Variants in OR51G2 observed in about 807,000 individuals in gnomAD.
OR51G2 encodes the protein olfactory receptor family 51 subfamily G member 2.
A neutral mutation model predicts 11.8 loss-of-function variants in OR51G2; 13 were observed. The observed-to-expected ratio is 1.10, with a 90% CI of 0.72 to 1.76. The LOEUF (loss-of-function observed/expected upper bound fraction) is 1.76. OR51G2 is among the 40% of genes most tolerant of loss of function. The pLI, the probability that OR51G2 is intolerant of heterozygous loss-of-function variation, is 0.00. For missense variants in OR51G2, 474 were observed against 394.4 expected, an observed-to-expected ratio of 1.20 and a Z score of -1.71; for synonymous variants, 178 against 151.9, an observed-to-expected ratio of 1.17 and a Z score of -1.26.
chr11:4,915,686 G>T lies in OR51G2; in HGVS notation c.-23C>A. 1.3e-6 allele frequency: 2 copies of T among 1,567,212 alleles called. No individual in the cohort carries two copies. The highest frequency in any genetic ancestry group is 3.5e-5 in the Admixed American group (2 of 56,508). On this transcript the variant is annotated 5_prime_UTR_variant, in exon 2 of 2. Coordinates refer to ENST00000641926, the MANE Select transcript of OR51G2 (RefSeq NM_001005238.2). Reference sequence around the variant, plus strand: ...CATTGTGTGAGGAGACAAGGGGGAAGGTGGGTGCCCTCCAAAATCCTGAAG... The same window carrying T: ...CATTGTGTGAGGAGACAAGGGGGAATGTGGGTGCCCTCCAAAATCCTGAAG...
intron 1 of OR51G2, among the ~76,000 whole-genome samples, chr11:4,916,798 A>T (rs1458932689): frequency 6.6e-6 from 1 of 152,230 alleles, no homozygotes; most frequent in African/African-American, 2.4e-5. Flanking sequence ...AATTCCCCAG[A>T]AGTCCAGGAA....
intron 1 of OR51G2, among the ~76,000 whole-genome samples, chr11:4,917,435 A>G (rs1851114240): frequency 6.6e-6 from 1 of 152,244 alleles, no homozygotes; most frequent in African/African-American, 2.4e-5. Flanking sequence ...TGGCAGAGCT[A>G]GCTCAACAGG....
In OR51G2 at chr11:4,915,667, G is replaced by T; in HGVS notation, c.-4C>A. 2 of 1,605,534 alleles carry T rather than the reference G, an allele frequency of 1.2e-6. No individual in the cohort carries two copies. The highest frequency in any genetic ancestry group is 1.3e-5 in the African/African-American group (1 of 74,832). Reference sequence around the variant, plus strand: ...TTCCCAGGGATCCCAGGGTCATTGTGTGAGGAGACAAGGGGGAAGGTGGGT... The same window carrying T: ...TTCCCAGGGATCCCAGGGTCATTGTTTGAGGAGACAAGGGGGAAGGTGGGT... On this transcript the variant is annotated 5_prime_UTR_variant, in exon 2 of 2. Coordinates refer to ENST00000641926, the MANE Select transcript of OR51G2 (RefSeq NM_001005238.2).
chr11:4,915,473 A>T lies in OR51G2; in HGVS notation c.191T>A (p.Met64Lys). ...AGCCAGCATGGACAGGAAGAGATAC[A>T]TAGGTTCATGAAGTGAGCGCTCTGT... ...IKTERSLHEPMYLFLSMLALI... is the reference protein window; with the variant it reads ...IKTERSLHEPKYLFLSMLALI... The change falls in exon 2 of 2, where the codon ATG (methionine) becomes AAG (lysine). Residue 64 changes from methionine (M) to lysine (K), a missense_variant. By Grantham distance (95) the Met-to-Lys change is moderately conservative (BLOSUM62 -1). Transcript: ENST00000641926. 1 of 1,614,158 alleles carries T rather than the reference A, an allele frequency of 6.2e-7. No individual in the cohort carries two copies. Among genetic ancestry groups the T allele is most frequent in the Non-Finnish European group, 8.5e-7 (1 of 1,180,028 alleles).
At position 4,915,755 on chromosome 11, in the gene OR51G2, G is replaced by A. The variant is rs1851078600; in HGVS notation, c.-76-16C>T. On this transcript the variant is annotated splice_polypyrimidine_tract_variant and intron_variant, in intron 1 of 1. Coordinates refer to ENST00000641926, the MANE Select transcript of OR51G2 (RefSeq NM_001005238.2). ...GTGATTGCACCTGGTGGAAATTAAA[G>A]AAAAAAAATAGAATCAAATATACCT... 3.8e-6 allele frequency: 3 copies of A among 785,708 alleles called. No individual in the cohort carries two copies. The highest frequency in any genetic ancestry group is 2.6e-5 in the East Asian group (1 of 37,774). The allele number at this position is 785,708 out of a possible 1,614,324, so 48.7% of individuals were successfully genotyped here.
In OR51G2 at chr11:4,913,772, C is replaced by T. The variant is rs1340038013; in HGVS notation, c.*947G>A. The T allele has an allele frequency of 6.6e-6, 1 of 152,206 alleles. No individual in the cohort carries two copies. Among genetic ancestry groups the T allele is most frequent in the African/African-American group, 2.4e-5 (1 of 41,448 alleles). The allele number at this position is 152,206 out of a possible 1,614,324, so 9.4% of individuals were successfully genotyped here. A position where few individuals can be genotyped will look rare whatever the true frequency, so the allele number is the denominator to read the frequency against. On this transcript the variant is annotated 3_prime_UTR_variant, in exon 2 of 2. Coordinates refer to ENST00000641926, the MANE Select transcript of OR51G2 (RefSeq NM_001005238.2). ...TCAGAATACACTGTCCTCTCTCTCA[C>T]TTCTGCTTCAGCTTTGCACATGCTG...
intron 1 of OR51G2, among the ~76,000 whole-genome samples, chr11:4,918,538 A>G (rs1032931527): frequency 3.3e-5 from 5 of 152,056 alleles, no homozygotes; most frequent in African/African-American, 1.2e-4. Context: ...GGAAAAGATC[A>G]CCTTTAGCCA....
At chr11:4,917,634 C>G (rs1054468781) in intron 1 of OR51G2, among the ~76,000 whole-genome samples, 3 of 152,072 alleles carry the variant, frequency 2.0e-5, no homozygotes, top group Non-Finnish European at 2.9e-5. Flanking sequence ...CTGCTGTGGC[C>G]GTGATCAGTG....
chr11:4,916,622 C>T lies in OR51G2; in HGVS notation c.-76-883G>A, dbSNP rs186029739. 9.2e-4 allele frequency among the ~76,000 whole-genome samples: 140 copies of T among 152,280 alleles called. 1 individual carries two copies. The highest frequency in any genetic ancestry group is 3.2e-3 in the African/African-American group (133 of 41,558). ...CCCTTCACTCACCTTCTCCTCTGGT[C>T]TTCCTGACATAGAAGCTTAGCCTTG... On this transcript the variant is annotated intron_variant, in intron 1 of 1. Transcript: ENST00000641926.
rs763493767 is a variant in OR51G2 at position 4,915,605 on chromosome 11, C to G, written c.59G>C (p.Ser20Thr). ...CATGCGCTCCAGCCCAGGGATGCCA[C>G]TCAGCAGGAAGGTAGCAGAAACGCT... Reference protein sequence around the residue: ...SSSVSATFLLSGIPGLERMHI... With the variant: ...SSSVSATFLLTGIPGLERMHI... The change falls in exon 2 of 2, where the codon AGT (serine) becomes ACT (threonine). Residue 20 changes from serine to threonine, a missense_variant. By Grantham distance (58) the Ser-to-Thr change is moderately conservative (BLOSUM62 1). Coordinates refer to ENST00000641926, the MANE Select transcript of OR51G2 (RefSeq NM_001005238.2). 3.1e-6 allele frequency: 5 copies of G among 1,614,000 alleles called. No individual in the cohort carries two copies. In the East Asian group the frequency reaches 6.7e-5, roughly 22 times the overall value.
chr11:4,915,317 T>G lies in OR51G2; in HGVS notation c.347A>C (p.Glu116Ala). 1 of 1,613,740 alleles carries G rather than the reference T, an allele frequency of 6.2e-7. No homozygotes were observed. The change falls in exon 2 of 2, where the codon GAG (glutamate) becomes GCG (alanine). Residue 116 changes from glutamate (E) to alanine (A), a missense_variant. By Grantham distance (107) the Glu-to-Ala change is moderately radical (BLOSUM62 -1). Transcript: ENST00000641926. The stretch of plus-strand genomic sequence containing the variant: ...GGCCATAGACAGTAGCACAGAGGAC[T>G]CGAGGAAGGAGAAGCAGTGAATGAA... ...LFFIHCFSFL[E>A]SSVLLSMAFD...
In OR51G2 at chr11:4,914,844, G is replaced by C; in HGVS notation, c.820C>G (p.Pro274Ala). 6.2e-7 allele frequency: 1 copy of C among 1,614,004 alleles called. No individual in the cohort carries two copies. The highest frequency in any genetic ancestry group is 1.1e-5 in the South Asian group (1 of 91,066). ...SVIHRFGKQA[P>A]HLVQVVMGFM... ...CCCATGACCACCTGGACCAGGTGGGGTGCCTGCTTTCCAAAGCGATGGATG... is the reference window on the plus strand; with the variant it reads ...CCCATGACCACCTGGACCAGGTGGGCTGCCTGCTTTCCAAAGCGATGGATG... Residue 274 changes from proline (P) to alanine (A), a missense_variant, in exon 2 of 2, where the codon CCC becomes GCC. Pro to Ala is a conservative substitution (Grantham distance 27). Transcript: ENST00000641926.
chr11:4,915,456 T>C lies in OR51G2; in HGVS notation c.208A>G (p.Met70Val). The stretch of plus-strand genomic sequence containing the variant: ...AGACCCAGGTCAATCAGAGCCAGCA[T>C]GGACAGGAAGAGATACATAGGTTCA... ...LHEPMYLFLS[M>V]LALIDLGLSL... is the part of the protein sequence containing the mutation. The change falls in exon 2 of 2, where the codon ATG (methionine) becomes GTG (valine). Residue 70 changes from methionine to valine, a missense_variant. Physicochemically the swap from Met to Val is conservative, Grantham distance 21. Transcript: ENST00000641926. 1 of 1,614,100 alleles carries C rather than the reference T, an allele frequency of 6.2e-7. No homozygotes were observed. Among genetic ancestry groups the C allele is most frequent in the Non-Finnish European group, 8.5e-7 (1 of 1,180,014 alleles).
At chr11:4,915,888 G>A in intron 1 of OR51G2, 149 bp from the exon 2 acceptor site, 1 of 496,648 alleles carries the variant, frequency 2.0e-6, no homozygotes. Context: ...GCAAAGACAT[G>A]GAATTGTGAA....
chr11:4,917,044 T>G (rs570850122), intron 1 of OR51G2, among the ~76,000 whole-genome samples: 27 of 152,220 alleles, frequency 1.8e-4, no homozygotes, highest in Non-Finnish European at 3.1e-4. Context: ...CCATTCTCAA[T>G]TAATATCACT....
rs1490617637 is a variant in OR51G2, at chr11:4,915,349, C to A, written c.315G>T (p.Gln105His). ...REISHDACFA[Q>H]LFFIHCFSFL... ...AGGAGAAGCAGTGAATGAAAAAGAG[C>A]TGAGCAAAGCAGGCATCATGGCTAA... The change falls in exon 2 of 2, where the codon CAG becomes CAT. Residue 105 changes from glutamine to histidine, a missense_variant. Physicochemically the swap from Gln to His is conservative, Grantham distance 24. Transcript: ENST00000641926. 20 of 1,613,804 alleles carry A rather than the reference C, an allele frequency of 1.2e-5. No homozygotes were observed. Among genetic ancestry groups the A allele is most frequent in the Non-Finnish European group, 1.7e-5 (20 of 1,179,978 alleles).
rs1273976184 is a variant in OR51G2 at position 4,919,330 on chromosome 11, A to G, written c.-230T>C. On this transcript the variant is annotated 5_prime_UTR_variant, in exon 1 of 2. Coordinates refer to ENST00000641926, the MANE Select transcript of OR51G2 (RefSeq NM_001005238.2). ...TACTATATGAACTCCTCGCATACCAAGGCTAAAAATAAAGGCCATGAACGC... is the reference window on the plus strand; with the variant it reads ...TACTATATGAACTCCTCGCATACCAGGGCTAAAAATAAAGGCCATGAACGC... 2.6e-5 allele frequency: 4 copies of G among 152,228 alleles called. No homozygotes were observed. The highest frequency in any genetic ancestry group is 2.6e-4 in the Admixed American group (4 of 15,280). 9.4% of individuals were successfully genotyped at this position (152,228 alleles called of 1,614,324 possible).
In OR51G2 at chr11:4,915,324, A is replaced by G; in HGVS notation, c.340T>C (p.Phe114Leu). The change falls in exon 2 of 2, where the codon TTC becomes CTC. Residue 114 changes from phenylalanine (F) to leucine (L), a missense_variant. By Grantham distance (22) the Phe-to-Leu change is conservative. Transcript: ENST00000641926. ...GACAGTAGCACAGAGGACTCGAGGAAGGAGAAGCAGTGAATGAAAAAGAGC... is the reference window on the plus strand; with the variant it reads ...GACAGTAGCACAGAGGACTCGAGGAGGGAGAAGCAGTGAATGAAAAAGAGC... ...AQLFFIHCFS[F>L]LESSVLLSMA... is the part of the protein sequence containing the mutation. 6.2e-7 allele frequency: 1 copy of G among 1,614,026 alleles called. No individual in the cohort carries two copies. The highest frequency in any genetic ancestry group is 8.5e-7 in the Non-Finnish European group (1 of 1,179,976).
At position 4,914,867 on chromosome 11, in the gene OR51G2, A is replaced by G; in HGVS notation, c.797T>C (p.Ile266Thr). ...FYTPMIGLSV[I>T]HRFGKQAPHL... ...GGGTGCCTGCTTTCCAAAGCGATGG[A>G]TGACAGAGAGGCCAATCATGGGAGT... Residue 266 changes from isoleucine to threonine, a missense_variant, in exon 2 of 2, where the codon ATC (isoleucine) becomes ACC (threonine). Physicochemically the swap from Ile to Thr is moderately conservative, Grantham distance 89. Transcript: ENST00000641926. 2 of 1,614,134 alleles carry G rather than the reference A, an allele frequency of 1.2e-6. No individual in the cohort carries two copies. Among genetic ancestry groups the G allele is most frequent in the Non-Finnish European group, 1.7e-6 (2 of 1,180,004 alleles).
Sources: gnomAD v4.1 joint callset for allele counts (sites outside exome capture counted in the v4.1 genomes callset) on GRCh38, gnomAD v4.1.1 for gene constraint, MANE v1.5 for transcripts, NCBI Gene and HGNC (gene_info 2026-07-23, HGNC 2026-07-21) for gene names.